Variants in SYNPR observed in about 807,000 individuals in gnomAD.
The protein encoded by SYNPR is synaptoporin.
A neutral mutation model predicts 32.9 loss-of-function variants in SYNPR; 23 were observed. The ratio of observed to expected loss-of-function variants is 0.70; its 90% CI spans 0.50 to 0.99. SYNPR has a LOEUF of 0.99. Among genes scored for constraint, SYNPR ranks in the 50% least tolerant of loss-of-function variants. The pLI, the probability that SYNPR is intolerant of heterozygous loss-of-function variation, is 0.00. For missense variants in SYNPR, 318 were observed against 349.3 expected, an observed-to-expected ratio of 0.91 and a Z score of 0.71; for synonymous variants, 146 against 135.9, an observed-to-expected ratio of 1.07 and a Z score of -0.52.
At chr3:63,391,263 T>A (rs890565189) in intron 2 of SYNPR, among the ~76,000 whole-genome samples, 5 of 152,148 alleles carry the variant, frequency 3.3e-5, no homozygotes, top group African/African-American at 1.2e-4. Context: ...CACTGTGACA[T>A]AGGAAGTCCA....
At chr3:63,338,353 G>A (rs1479107224) in intron 2 of SYNPR, among the ~76,000 whole-genome samples, 24 of 152,160 alleles carry the variant, frequency 1.6e-4, no homozygotes. Flanking sequence ...TAGGTGTCTA[G>A]TTTCCTTAAA....
At chr3:63,266,718 A>AAAAAAAAC (rs397787253) in intron 2 of SYNPR, among the ~76,000 whole-genome samples, 6 of 119,100 alleles carry the variant, frequency 5.0e-5, no homozygotes, top group African/African-American at 1.2e-4. Flanking sequence ...AAAAAAAAAA[A>AAAAAAAAC]CACAAAAAAC....
chr3:63,461,660 T>C lies in SYNPR; in HGVS notation c.85-19172T>C, dbSNP rs1174112932. 2.0e-5 allele frequency among the ~76,000 whole-genome samples: 3 copies of C among 151,876 alleles called. No homozygotes were observed. In the South Asian group the frequency reaches 6.2e-4, roughly 32 times the overall value. ...CTCTGCTTGTCTTTACTTCAATGTA[T>C]GGATGCAGTTCAAGATAAGAAGGGT... On this transcript the variant is annotated intron_variant, in intron 2 of 5. Transcript: ENST00000478300.
chr3:63,614,134 G>A (rs989686543), intron 5 of SYNPR, among the ~76,000 whole-genome samples: 18 of 152,274 alleles, frequency 1.2e-4, no homozygotes, highest in South Asian at 2.1e-4. Context: ...CTCCAGGACC[G>A]TGGCCACTGC....
At position 63,278,567 on chromosome 3, in the gene SYNPR, G is replaced by T. The variant is rs375815933; in HGVS notation, c.18+16G>T. The T allele has an allele frequency of 1.7e-4, 258 of 1,551,044 alleles. No homozygotes were observed. The East Asian group carries it at 5.8e-3, about 35-fold the overall frequency. ...TGTGAGTCAGGTGAGACAGAACTGG[G>T]CAGGGCGGCTGGCTGGGAGCAGGGG... On this transcript the variant is annotated intron_variant, in intron 1 of 5. Transcript: ENST00000478300.
intron 2 of SYNPR, among the ~76,000 whole-genome samples, chr3:63,301,868 GT>G (rs1175612212): frequency 3.9e-5 from 6 of 152,034 alleles, no homozygotes; most frequent in Admixed American, 3.9e-4. Flanking sequence ...GAGTTCACCT[GT>G]TGTATAAATG....
Position 63,383,030 on chromosome 3 carries a change from A to T in SYNPR, c.85-97802A>T, listed in dbSNP as rs897123167. On this transcript the variant is annotated intron_variant, in intron 2 of 5. Transcript: ENST00000478300. ...GTTTAATTCTTTACAAGATTATTTTATGGAAAGTGTTGTAGAGATCTTCAC... is the reference window on the plus strand; with the variant it reads ...GTTTAATTCTTTACAAGATTATTTTTTGGAAAGTGTTGTAGAGATCTTCAC... Among the ~76,000 whole-genome samples the T allele has an allele frequency of 3.9e-5, 6 of 152,220 alleles. 1 individual carries two copies. Among genetic ancestry groups the T allele is most frequent in the East Asian group, 1.9e-4 (1 of 5,178 alleles).
intron 2 of SYNPR, among the ~76,000 whole-genome samples, chr3:63,352,666 T>C (rs997882402): frequency 2.0e-5 from 3 of 152,204 alleles, no homozygotes; most frequent in Non-Finnish European, 2.9e-5. Flanking sequence ...ATGCTGCTAA[T>C]AAATAAATAC....
intron 3 of SYNPR, among the ~76,000 whole-genome samples, chr3:63,517,072 A>C (rs1031901238): frequency 2.0e-5 from 3 of 152,176 alleles, no homozygotes; most frequent in Non-Finnish European, 4.4e-5. Context: ...ATCTATATCC[A>C]TGTGATATTG....
At chr3:63,370,350 T>C (rs373583100) in intron 2 of SYNPR, among the ~76,000 whole-genome samples, 10 of 152,338 alleles carry the variant, frequency 6.6e-5, no homozygotes, top group African/African-American at 9.6e-5. Flanking sequence ...TCTGAAAGGA[T>C]TGACTCTGCT....
rs534910917 is a variant in SYNPR at position 63,354,435 on chromosome 3, G to A, written c.84+75693G>A. ...TTCATCATGAATGTCAAACCTAACTGCAGGTTAGAGTTTGCTTTGCAAGTC... is the reference window on the plus strand; with the variant it reads ...TTCATCATGAATGTCAAACCTAACTACAGGTTAGAGTTTGCTTTGCAAGTC... On this transcript the variant is annotated intron_variant, in intron 2 of 5. Transcript: ENST00000478300. 3.3e-5 allele frequency among the ~76,000 whole-genome samples: 5 copies of A among 152,252 alleles called. No individual in the cohort carries two copies. The East Asian group carries it at 9.7e-4, about 29-fold the overall frequency.
rs143973936 is a variant in SYNPR, at chr3:63,446,661, G to A, written c.85-34171G>A. 2.4e-3 allele frequency among the ~76,000 whole-genome samples: 366 copies of A among 152,264 alleles called. 4 individuals carry two copies. Among genetic ancestry groups the A allele is most frequent in the Middle Eastern group, 6.8e-3 (2 of 294 alleles). ...GCTGCATTATGAGAAAGGATTATGA[G>A]TGGTGAAAATGTTGCTAGAAGATAG... is the stretch of plus-strand genomic sequence containing the variant. On this transcript the variant is annotated intron_variant, in intron 2 of 5. Transcript: ENST00000478300.
chr3:63,562,120 A>G (rs1331567519), intron 4 of SYNPR, among the ~76,000 whole-genome samples: 2 of 152,176 alleles, frequency 1.3e-5, no homozygotes, highest in Non-Finnish European at 2.9e-5. Flanking sequence ...TGAAATTGAA[A>G]TGTCATATCA....
intron 2 of SYNPR, among the ~76,000 whole-genome samples, chr3:63,316,994 T>C (rs1191057049): frequency 6.6e-6 from 1 of 152,032 alleles, no homozygotes; most frequent in Non-Finnish European, 1.5e-5. Context: ...TTTGACCCAG[T>C]GCTCATTCAG....
chr3:63,413,469 G>A (rs899851762), intron 2 of SYNPR, among the ~76,000 whole-genome samples: 10 of 152,152 alleles, frequency 6.6e-5, no homozygotes, highest in Admixed American at 5.9e-4. Flanking sequence ...TTATGTAATA[G>A]CTTATTTGAT....
In SYNPR at chr3:63,483,366, G is replaced by T. The variant is rs545136679; in HGVS notation, c.209+2410G>T. On this transcript the variant is annotated intron_variant, in intron 3 of 5. Coordinates refer to ENST00000478300, the MANE Select transcript of SYNPR (RefSeq NM_001130003.2). ...GAGAAAGTAAGTAGCAGCATGTTAA[G>T]AAAAAATATAATAGTAAATGCACAA... is the stretch of plus-strand genomic sequence containing the variant. Among the ~76,000 whole-genome samples, 4 of 152,180 alleles carry T rather than the reference G, an allele frequency of 2.6e-5. No homozygotes were observed. The South Asian group carries it at 8.3e-4, about 32-fold the overall frequency.
intron 2 of SYNPR, among the ~76,000 whole-genome samples, chr3:63,419,867 C>T (rs2088585040): frequency 6.6e-6 from 1 of 152,162 alleles, no homozygotes; most frequent in Admixed American, 6.5e-5. Flanking sequence ...ATAAGCAATA[C>T]TAGTTCTATA....
At chr3:63,209,398 A>G in the SYNPR span, among the ~76,000 whole-genome samples, 14 of 152,138 alleles carry the variant, frequency 9.2e-5, no homozygotes, top group Non-Finnish European at 1.8e-4. Context: ...TCCCAGAATC[A>G]GCCATGTCAC....
At chr3:63,472,781 C>CTTCCTAG in intron 2 of SYNPR, among the ~76,000 whole-genome samples, 1 of 151,986 alleles carries the variant, frequency 6.6e-6, no homozygotes, top group Non-Finnish European at 1.5e-5. Flanking sequence ...TTTTTAATGC[C>CTTCCTAG]TCTCCCTTGC....
Sources: allele counts gnomAD v4.1 joint callset (sites outside exome capture counted in the v4.1 genomes callset), GRCh38; gene constraint gnomAD v4.1.1; transcripts MANE v1.5; gene names NCBI Gene and HGNC (gene_info 2026-07-23, HGNC 2026-07-21).